Variants in CCDC148 observed in about 807,000 individuals in gnomAD.
CCDC148 encodes the protein coiled-coil domain containing 148, also known as coiled-coil domain-containing protein 148.
In CCDC148, 89 loss-of-function variants were observed where a neutral mutation model predicts 85.7. That is an observed-to-expected ratio of 1.04 (90% CI 0.87 to 1.24). CCDC148 has a LOEUF of 1.24. Ranked by LOEUF, CCDC148 falls within the 50% of genes most tolerant of loss-of-function variation. The pLI is 0.00. For synonymous variants in CCDC148, 230 were observed against 213.9 expected, an observed-to-expected ratio of 1.08 and a Z score of -0.66; for missense variants, 692 against 671.7, an observed-to-expected ratio of 1.03 and a Z score of -0.33.
intron 5 of CCDC148, 38 bp downstream of exon 5, chr2:158,340,204 A>C (rs779668628): frequency 1.1e-5 from 17 of 1,595,644 alleles, no homozygotes; most frequent in Admixed American, 3.4e-5. Flanking sequence ...GACAAAAATG[A>C]AATATTACAT....
chr2:158,204,065 A>C (rs1479541763), intron 11 of CCDC148, among the ~76,000 whole-genome samples: 3 of 152,214 alleles, frequency 2.0e-5, no homozygotes, highest in Non-Finnish European at 4.4e-5. Flanking sequence ...GTAGTGGTTT[A>C]TTCTAGTTAG....
intron 13 of CCDC148, among the ~76,000 whole-genome samples, chr2:158,175,171 G>A (rs1286349826): frequency 1.3e-5 from 2 of 151,952 alleles, no homozygotes; most frequent in Non-Finnish European, 2.9e-5. Flanking sequence ...GGTGAAATAG[G>A]TCAACCGAGT....
chr2:158,199,575 T>C (rs1685848744), intron 11 of CCDC148, among the ~76,000 whole-genome samples: 1 of 152,186 alleles, frequency 6.6e-6, no homozygotes, highest in South Asian at 2.1e-4. Flanking sequence ...AGTTTTTAGC[T>C]TATAAGTTAT....
intron 1 of CCDC148, among the ~76,000 whole-genome samples, chr2:158,382,176 C>T (rs1216227993): frequency 6.6e-6 from 1 of 152,148 alleles, no homozygotes; most frequent in East Asian, 1.9e-4. Flanking sequence ...GCTGGCACCT[C>T]AGGCTTGGAC....
chr2:158,355,316 T>A (rs368953192), intron 2 of CCDC148, among the ~76,000 whole-genome samples: 27 of 151,758 alleles, frequency 1.8e-4, no homozygotes, highest in Admixed American at 1.1e-3. Context: ...ACATGATTGT[T>A]TATCTAGAAA....
intron 8 of CCDC148, among the ~76,000 whole-genome samples, chr2:158,312,851 A>T (rs1223262296): frequency 6.6e-6 from 1 of 152,170 alleles, no homozygotes; most frequent in Non-Finnish European, 1.5e-5. Context: ...AAATGGTCAC[A>T]GTAGCTGTGT....
At chr2:158,408,920 A>G (rs998780538) in intron 1 of CCDC148, among the ~76,000 whole-genome samples, 4 of 152,090 alleles carry the variant, frequency 2.6e-5, no homozygotes, top group Admixed American at 1.3e-4. Flanking sequence ...TTTTCCAAAT[A>G]ATTATTAATG....
intron 9 of CCDC148, among the ~76,000 whole-genome samples, chr2:158,295,045 C>T (rs1691111327): frequency 6.6e-6 from 1 of 151,906 alleles, no homozygotes; most frequent in Admixed American, 6.6e-5. Flanking sequence ...GTTTTATTTG[C>T]CATATATCTT....
At chr2:158,312,212 T>C (rs1388982724) in intron 8 of CCDC148, among the ~76,000 whole-genome samples, 1 of 152,232 alleles carries the variant, frequency 6.6e-6, no homozygotes, top group Non-Finnish European at 1.5e-5. Flanking sequence ...TATCAGCTAC[T>C]AAAATCTGTT....
intron 10 of CCDC148, among the ~76,000 whole-genome samples, chr2:158,236,831 G>A (rs1688128908): frequency 6.6e-6 from 1 of 152,134 alleles, no homozygotes; most frequent in African/African-American, 2.4e-5. Flanking sequence ...TGCCAGCACT[G>A]GGGCTAAAGC....
At chr2:158,232,051 C>T (rs1291781707) in intron 10 of CCDC148, among the ~76,000 whole-genome samples, 1 of 141,208 alleles carries the variant, frequency 7.1e-6, no homozygotes, top group Non-Finnish European at 1.6e-5. Context: ...TTATAATGTT[C>T]CAATGATAGA....
intron 9 of CCDC148, among the ~76,000 whole-genome samples, chr2:158,275,681 G>T (rs1197463033): frequency 6.7e-6 from 1 of 150,252 alleles, no homozygotes; most frequent in Admixed American, 6.6e-5. Context: ...GTTGCAGTTG[G>T]TTATATTTAT....
chr2:158,353,069 G>T (rs1011940929), intron 2 of CCDC148, among the ~76,000 whole-genome samples: 23 of 151,798 alleles, frequency 1.5e-4, no homozygotes, highest in Non-Finnish European at 3.2e-4. Flanking sequence ...AAGAGCTCCT[G>T]AAGGAAGCCC....
chr2:158,439,340 GC>G (rs1430331099), intron 1 of CCDC148, among the ~76,000 whole-genome samples: 1 of 150,522 alleles, frequency 6.6e-6, no homozygotes, highest in Admixed American at 6.6e-5. Flanking sequence ...CATGGATGAA[GC>G]TGGAAACCAT....
intron 9 of CCDC148, among the ~76,000 whole-genome samples, chr2:158,260,602 A>C (rs890068691): frequency 2.0e-5 from 3 of 151,984 alleles, no homozygotes; most frequent in African/African-American, 4.8e-5. Context: ...TGATAATTCC[A>C]TATCTATAAA....
intron 1 of CCDC148, among the ~76,000 whole-genome samples, chr2:158,391,057 A>G (rs574630812): frequency 6.6e-6 from 1 of 152,254 alleles, no homozygotes; most frequent in East Asian, 1.9e-4. Context: ...CATTCATTTG[A>G]CAAAATATTT....
At chr2:158,320,572 G>A (rs1692475030) in intron 7 of CCDC148, among the ~76,000 whole-genome samples, 1 of 152,122 alleles carries the variant, frequency 6.6e-6, no homozygotes, top group Non-Finnish European at 1.5e-5. Flanking sequence ...CTTGTCCATA[G>A]AAATTTTAAT....
At chr2:158,336,598 A>G (rs1000014993) in intron 7 of CCDC148, among the ~76,000 whole-genome samples, 1 of 152,204 alleles carries the variant, frequency 6.6e-6, no homozygotes, top group African/African-American at 2.4e-5. Context: ...CAAGTGAAAC[A>G]GATCATTATC....
Position 158,323,919 on chromosome 2 carries a change from C to CTT in CCDC148, c.765-10027_765-10026dup, listed in dbSNP as rs777356867. 7.9e-3 allele frequency among the ~76,000 whole-genome samples: 659 copies of CTT among 82,958 alleles called. 63 individuals carry two copies. The highest frequency in any genetic ancestry group is 0.01 in the Middle Eastern group (1 of 96). The allele number at this position is 82,958 out of a possible 152,430, so 54.4% of individuals were successfully genotyped here. ...GTCTAATTTCACCACCTGGGAATAA[C>CTT]TTTTTTTTTTTTTTTTTTTTTTTTT... On this transcript the variant is annotated intron_variant, in intron 7 of 13. Coordinates refer to ENST00000283233, the MANE Select transcript of CCDC148 (RefSeq NM_138803.4).
Sources: gnomAD v4.1 joint callset for allele counts (sites outside exome capture counted in the v4.1 genomes callset) on GRCh38, gnomAD v4.1.1 for gene constraint, MANE v1.5 for transcripts, NCBI Gene and HGNC (gene_info 2026-07-23, HGNC 2026-07-21) for gene names.